Variants in XKR6 observed in about 807,000 individuals in gnomAD.
XKR6 encodes XK-related protein 6.
Under a neutral mutation model 56.7 loss-of-function variants are expected in XKR6, and 22 were observed. That is an observed-to-expected ratio of 0.39 (90% CI 0.28 to 0.55). XKR6 has a LOEUF of 0.55. XKR6 is among the 20% of genes least tolerant of loss of function. The probability of loss-of-function intolerance (pLI) is 0.66; values close to 1 mark genes in which losing one functional copy is unlikely to be tolerated. For missense variants in XKR6, 852 were observed against 889.0 expected, an observed-to-expected ratio of 0.96 and a Z score of 0.53; for synonymous variants, 524 against 387.8, an observed-to-expected ratio of 1.35 and a Z score of -4.13.
intron 1 of XKR6, among the ~76,000 whole-genome samples, chr8:11,197,126 C>A (rs1414594712): frequency 6.6e-6 from 1 of 152,190 alleles, no homozygotes; most frequent in African/African-American, 2.4e-5. Flanking sequence ...CTACCACATC[C>A]CATCTCACAA....
intron 1 of XKR6, among the ~76,000 whole-genome samples, chr8:10,987,693 C>T (rs1381919120): frequency 1.3e-5 from 2 of 152,202 alleles, no homozygotes; most frequent in Non-Finnish European, 2.9e-5. Flanking sequence ...CCATGACTTC[C>T]CACTTCACCT....
intron 1 of XKR6, among the ~76,000 whole-genome samples, chr8:10,940,127 C>T (rs1303497682): frequency 2.6e-5 from 4 of 152,106 alleles, no homozygotes; most frequent in African/African-American, 7.2e-5. Context: ...TGTAGCAGAG[C>T]GCCTGGCACA....
At chr8:11,150,308 C>A (rs1373812898) in intron 1 of XKR6, among the ~76,000 whole-genome samples, 1 of 152,188 alleles carries the variant, frequency 6.6e-6, no homozygotes, top group East Asian at 1.9e-4. Flanking sequence ...GATCATTATA[C>A]ATTCTATCCA....
intron 1 of XKR6, among the ~76,000 whole-genome samples, chr8:10,941,806 G>T (rs890879835): frequency 2.2e-4 from 33 of 152,146 alleles, no homozygotes; most frequent in African/African-American, 8.0e-4. Flanking sequence ...CATGTCAAAT[G>T]CAACCCTTGG....
intron 1 of XKR6, among the ~76,000 whole-genome samples, chr8:11,177,381 C>A (rs994983523): frequency 1.3e-5 from 2 of 152,200 alleles, no homozygotes; most frequent in Non-Finnish European, 2.9e-5. Context: ...ATTAGTCATA[C>A]TGACACTGGG....
Position 11,021,785 on chromosome 8 carries a change from G to C in XKR6, c.765-96955C>G, listed in dbSNP as rs571052665. On this transcript the variant is annotated intron_variant, in intron 1 of 2. Coordinates refer to ENST00000416569, the MANE Select transcript of XKR6 (RefSeq NM_173683.4). ...ACTATGCTAAGACTGACAGCCTCCTGAGATACTAACGTGATAAGACACAAT... is the reference window on the plus strand; with the variant it reads ...ACTATGCTAAGACTGACAGCCTCCTCAGATACTAACGTGATAAGACACAAT... Among the ~76,000 whole-genome samples the C allele has an allele frequency of 2.0e-5, 3 of 152,242 alleles. No homozygotes were observed. In the East Asian group the frequency reaches 5.8e-4, roughly 29 times the overall value.
At chr8:10,942,059 C>G (rs1801400152) in intron 1 of XKR6, among the ~76,000 whole-genome samples, 1 of 152,158 alleles carries the variant, frequency 6.6e-6, no homozygotes, top group Non-Finnish European at 1.5e-5. Context: ...GGGATTTTTA[C>G]TCAAACCATC....
At chr8:11,149,723 T>C (rs962574974) in intron 1 of XKR6, among the ~76,000 whole-genome samples, 1 of 152,100 alleles carries the variant, frequency 6.6e-6, no homozygotes, top group Non-Finnish European at 1.5e-5. Flanking sequence ...CCACTATATA[T>C]GATCCAGCAA....
At chr8:11,002,281 CTG>C (rs1798259372) in intron 1 of XKR6, 1 of 186,342 alleles carries the variant, frequency 5.4e-6, no homozygotes, top group East Asian at 1.7e-4. Context: ...ATTGTAAAGA[CTG>C]TGTTCATCTT....
At chr8:11,114,337 T>G (rs1227078799) in intron 1 of XKR6, among the ~76,000 whole-genome samples, 2 of 152,156 alleles carry the variant, frequency 1.3e-5, no homozygotes, top group African/African-American at 4.8e-5. Flanking sequence ...TTTGATTCAT[T>G]TCCTGAGATT....
intron 1 of XKR6, among the ~76,000 whole-genome samples, chr8:11,152,298 A>G (rs959176521): frequency 2.8e-4 from 43 of 152,174 alleles, no homozygotes; most frequent in Non-Finnish European, 1.6e-4. Context: ...CCTTCCTGAA[A>G]CATTCAGAAG....
intron 2 of XKR6, among the ~76,000 whole-genome samples, chr8:10,908,499 G>C (rs937126104): frequency 6.6e-6 from 1 of 151,950 alleles, no homozygotes; most frequent in African/African-American, 2.4e-5. Context: ...TGCCCTCCCT[G>C]GGGTCCTCTC....
At chr8:11,169,869 T>C (rs1050141796) in intron 1 of XKR6, among the ~76,000 whole-genome samples, 2 of 152,188 alleles carry the variant, frequency 1.3e-5, no homozygotes, top group African/African-American at 2.4e-5. Context: ...AAAATTTAAA[T>C]GATTAAAATG....
chr8:11,054,235 C>T (rs56870511), intron 1 of XKR6, among the ~76,000 whole-genome samples: 7,993 of 152,176 alleles, frequency 0.053, 308 homozygotes, highest in South Asian at 0.18. Flanking sequence ...GGCCATTGTT[C>T]CAAAGCAAGC....
intron 1 of XKR6, among the ~76,000 whole-genome samples, chr8:11,004,624 T>C (rs1798324247): frequency 6.6e-6 from 1 of 152,220 alleles, no homozygotes; most frequent in South Asian, 2.1e-4. Context: ...TTGTTGCTCA[T>C]CCACAGTGGA....
At chr8:11,024,203 A>AGG (rs200246833) in intron 1 of XKR6, among the ~76,000 whole-genome samples, 2,866 of 98,150 alleles carry the variant, frequency 0.029, 96 homozygotes, top group African/African-American at 0.095. Flanking sequence ...ACCTGTTAGG[A>AGG]GGTGTGTGTG....
chr8:10,959,103 G>A (rs1000442053), intron 1 of XKR6, among the ~76,000 whole-genome samples: 8 of 152,300 alleles, frequency 5.3e-5, no homozygotes, highest in Admixed American at 2.6e-4. Flanking sequence ...GTGTTGGCTC[G>A]CTTTGGGGGT....
intron 1 of XKR6, among the ~76,000 whole-genome samples, chr8:11,193,739 C>G (rs1803710747): frequency 3.4e-5 from 1 of 29,412 alleles, no homozygotes. Flanking sequence ...AAGGTTCTGA[C>G]CCCCCCCCCC....
intron 1 of XKR6, among the ~76,000 whole-genome samples, chr8:11,118,939 G>T (rs1324912950): frequency 6.6e-6 from 1 of 151,892 alleles, no homozygotes; most frequent in Non-Finnish European, 1.5e-5. Context: ...TTCTCTTGTG[G>T]GCATTTAGTG....
Sources: gnomAD v4.1 joint callset for allele counts (sites outside exome capture counted in the v4.1 genomes callset) on GRCh38, gnomAD v4.1.1 for gene constraint, MANE v1.5 for transcripts, NCBI Gene and HGNC (gene_info 2026-07-23, HGNC 2026-07-21) for gene names.